The following KCNG3 variants were observed in gnomAD, a reference collection of about 807,000 sequenced individuals.
KCNG3 encodes the protein potassium voltage-gated channel modifier subfamily G member 3, also known as voltage-gated potassium channel regulatory subunit KCNG3.
Under a neutral mutation model 29.0 loss-of-function variants are expected in KCNG3, and 15 were observed. The ratio of observed to expected loss-of-function variants is 0.52; its 90% CI spans 0.35 to 0.80. The LOEUF is 0.80. Ranked by LOEUF, KCNG3 falls within the 30% of genes least tolerant of loss-of-function variation. The pLI is 0.01. For synonymous variants in KCNG3, 322 were observed against 248.9 expected (o/e 1.29, Z -2.76); for missense variants, 512 against 605.7 (o/e 0.85, Z 1.62).
At chr2:42,490,935 AT>A (rs1301520329) in intron 1 of KCNG3, among the ~76,000 whole-genome samples, 3 of 152,196 alleles carry the variant, frequency 2.0e-5, no homozygotes, top group African/African-American at 7.2e-5. Flanking sequence ...CAGCATCCTC[AT>A]TCGGCCATCC....
intron 1 of KCNG3, among the ~76,000 whole-genome samples, chr2:42,460,634 C>T (rs76065686): frequency 6.6e-6 from 1 of 152,118 alleles, no homozygotes; most frequent in Non-Finnish European, 1.5e-5. Flanking sequence ...AAAACAAAAT[C>T]AGGAAAGTGC....
chr2:42,394,441 T>C, the KCNG3 span, among the ~76,000 whole-genome samples: 5 of 152,218 alleles, frequency 3.3e-5, no homozygotes, highest in Non-Finnish European at 5.9e-5. Flanking sequence ...TTACCTGTAT[T>C]ACTTAGCTCA....
chr2:42,418,166 C>T, the KCNG3 span, among the ~76,000 whole-genome samples: 1 of 152,076 alleles, frequency 6.6e-6, no homozygotes, highest in Non-Finnish European at 1.5e-5. Context: ...CTATAGCCAT[C>T]ATACAATAAT....
chr2:42,404,887 T>C, the KCNG3 span, among the ~76,000 whole-genome samples: 2 of 152,326 alleles, frequency 1.3e-5, no homozygotes, highest in Admixed American at 6.5e-5. Flanking sequence ...TAACTAGATA[T>C]GGCACTGCTG....
chr2:42,482,272 T>C (rs545839855), intron 1 of KCNG3, among the ~76,000 whole-genome samples: 8 of 152,344 alleles, frequency 5.3e-5, no homozygotes, highest in African/African-American at 1.9e-4. Flanking sequence ...CAACTTGCAA[T>C]TGATTTTTAA....
intron 1 of KCNG3, chr2:42,463,419 C>T (rs1673066658): frequency 6.2e-6 from 1 of 161,966 alleles, no homozygotes; most frequent in Non-Finnish European, 1.3e-5. Flanking sequence ...TTATTCACCT[C>T]TGGGAAACAA....
chr2:42,460,712 G>A (rs1225624512), intron 1 of KCNG3, among the ~76,000 whole-genome samples: 3 of 152,138 alleles, frequency 2.0e-5, no homozygotes, highest in African/African-American at 4.8e-5. Context: ...GATGTGAGCA[G>A]ATGCCCTACA....
chr2:42,450,250 G>A (rs953197741), intron 1 of KCNG3, among the ~76,000 whole-genome samples: 1 of 152,188 alleles, frequency 6.6e-6, no homozygotes, highest in Non-Finnish European at 1.5e-5. Flanking sequence ...GAGGTCCTCA[G>A]GGTTCTGCTT....
intron 1 of KCNG3, chr2:42,470,238 C>A: frequency 4.8e-6 from 2 of 419,230 alleles, no homozygotes; most frequent in South Asian, 5.3e-5. Context: ...AAATATGAGT[C>A]ATCTACAGCC....
the KCNG3 span, among the ~76,000 whole-genome samples, chr2:42,421,827 C>T: frequency 6.6e-6 from 1 of 152,276 alleles, no homozygotes; most frequent in African/African-American, 2.4e-5. Context: ...AGCAGTCAGC[C>T]CCACACAGTG....
At chr2:42,470,212 C>A (rs1026374851) in intron 1 of KCNG3, 2 of 419,620 alleles carry the variant, frequency 4.8e-6, no homozygotes, top group East Asian at 5.1e-5. Context: ...CAAAGCGAGT[C>A]CTCCCTCCCA....
At chr2:42,486,960 C>A (rs1260065836) in intron 1 of KCNG3, among the ~76,000 whole-genome samples, 1 of 151,914 alleles carries the variant, frequency 6.6e-6, no homozygotes, top group Non-Finnish European at 1.5e-5. Context: ...AGTTTGAGAC[C>A]AGCCTGGCCA....
In KCNG3 at chr2:42,443,890, A is replaced by G. The variant is rs1672541473; in HGVS notation, c.*44T>C. On this transcript the variant is annotated 3_prime_UTR_variant, in exon 2 of 2. Coordinates refer to ENST00000306078, the MANE Select transcript of KCNG3 (RefSeq NM_133329.6). ...AAACACATAAATATGAAGCAGCATC[A>G]AAGTCTTTCTATGAAGTGTATGCAA... 1 of 1,531,546 alleles carries G rather than the reference A, an allele frequency of 6.5e-7. No individual in the cohort carries two copies. Among genetic ancestry groups the G allele is most frequent in the Admixed American group, 1.9e-5 (1 of 51,790 alleles). 94.9% of individuals were successfully genotyped at this position (1,531,546 alleles called of 1,614,324 possible).
chr2:42,399,048 TTTC>T, the KCNG3 span, among the ~76,000 whole-genome samples: 1 of 142,518 alleles, frequency 7.0e-6, no homozygotes, highest in Non-Finnish European at 1.5e-5. Flanking sequence ...TTTCTTTTTT[TTTC>T]TTTTCTTTTT....
chr2:42,412,545 G>C, the KCNG3 span, among the ~76,000 whole-genome samples: 2 of 152,134 alleles, frequency 1.3e-5, no homozygotes, highest in East Asian at 1.9e-4. Flanking sequence ...AATTCTATTA[G>C]GTTTGTTTTA....
chr2:42,408,864 G>T, the KCNG3 span, among the ~76,000 whole-genome samples: 1 of 152,154 alleles, frequency 6.6e-6, no homozygotes, highest in African/African-American at 2.4e-5. Flanking sequence ...CCCAAAACTG[G>T]GAGCTCCCTG....
chr2:42,421,636 T>C, the KCNG3 span, among the ~76,000 whole-genome samples: 1 of 152,220 alleles, frequency 6.6e-6, no homozygotes, highest in Non-Finnish European at 1.5e-5. Context: ...TCAGTGTTTA[T>C]TTGGGGCCAG....
the KCNG3 span, among the ~76,000 whole-genome samples, chr2:42,401,373 G>T: frequency 6.7e-6 from 1 of 150,304 alleles, no homozygotes; most frequent in African/African-American, 2.4e-5. Context: ...CAATAGACTA[G>T]GAGAAAGGAG....
At chr2:42,396,201 G>A in the KCNG3 span, among the ~76,000 whole-genome samples, 10 of 152,136 alleles carry the variant, frequency 6.6e-5, no homozygotes, top group Non-Finnish European at 1.3e-4. Context: ...TATCAGTTTT[G>A]CATCATTGCA....
Sources: allele counts gnomAD v4.1 joint callset (sites outside exome capture counted in the v4.1 genomes callset), GRCh38; gene constraint gnomAD v4.1.1; transcripts MANE v1.5; gene names NCBI Gene and HGNC (gene_info 2026-07-23, HGNC 2026-07-21).